The following GRM7 variants were observed in gnomAD, a reference collection of about 807,000 sequenced individuals.
GRM7 encodes the protein glutamate metabotropic receptor 7.
Under a neutral mutation model 84.5 loss-of-function variants are expected in GRM7, and 35 were observed. The observed-to-expected ratio is 0.41, with a 90% CI of 0.32 to 0.55. GRM7 has a LOEUF of 0.55. Ranked by LOEUF, GRM7 falls within the 20% of genes least tolerant of loss-of-function variation. GRM7 has a pLI of 0.19. For synonymous variants in GRM7, 487 were observed against 455.1 expected (o/e 1.07, Z -0.89); for missense variants, 1,003 against 1,194.6 (o/e 0.84, Z 2.36).
intron 7 of GRM7, among the ~76,000 whole-genome samples, chr3:7,483,378 C>A (rs1699205404): frequency 1.3e-5 from 2 of 152,206 alleles, no homozygotes; most frequent in African/African-American, 2.4e-5. Context: ...AAGAAGCCAG[C>A]CATACTGATC....
intron 4 of GRM7, among the ~76,000 whole-genome samples, chr3:7,337,195 T>A (rs1295531776): frequency 6.6e-6 from 1 of 152,136 alleles, no homozygotes; most frequent in African/African-American, 2.4e-5. Context: ...CAAATGGTGC[T>A]GGGATAATTG....
chr3:7,259,982 C>G (rs530510674), intron 2 of GRM7, among the ~76,000 whole-genome samples: 1 of 32,572 alleles, frequency 3.1e-5, no homozygotes, highest in South Asian at 8.0e-4. Flanking sequence ...TTAATAATAG[C>G]CATCTGGGTG....
chr3:6,905,448 T>C (rs1326377695), intron 1 of GRM7, among the ~76,000 whole-genome samples: 1 of 152,194 alleles, frequency 6.6e-6, no homozygotes, highest in Non-Finnish European at 1.5e-5. Context: ...CTAGCCACCA[T>C]GTTAAGACTT....
rs34508559 is a variant in GRM7 at position 7,516,476 on chromosome 3, C to CAAAAAAAAAAAAAAAAAA, written c.1515+54766_1515+54783dup. On this transcript the variant is annotated intron_variant, in intron 7 of 9. Transcript: ENST00000357716. ...TGGGCGGCAGAGCGAGACTCCCTCT[C>CAAAAAAAAAAAAAAAAAA]AAAAAAAAAAAAAAAAAAAAAAAAA... 7.5e-4 allele frequency among the ~76,000 whole-genome samples: 32 copies of CAAAAAAAAAAAAAAAAAA among 42,472 alleles called. 1 individual carries two copies. The highest frequency in any genetic ancestry group is 1.0e-3 in the African/African-American group (15 of 14,414). The allele number at this position is 42,472 out of a possible 152,430, so 27.9% of individuals were successfully genotyped here.
At chr3:7,540,973 A>G (rs1692847185) in intron 7 of GRM7, among the ~76,000 whole-genome samples, 1 of 152,208 alleles carries the variant, frequency 6.6e-6, no homozygotes, top group Non-Finnish European at 1.5e-5. Flanking sequence ...CATATAGATT[A>G]TTCAATATGT....
intron 1 of GRM7, among the ~76,000 whole-genome samples, chr3:6,941,398 T>G (rs1326452259): frequency 6.6e-6 from 1 of 152,258 alleles, no homozygotes; most frequent in Non-Finnish European, 1.5e-5. Flanking sequence ...TTATTCTTTG[T>G]CTTTTATTCA....
At chr3:7,690,125 GTT>G (rs766781917) in intron 9 of GRM7, among the ~76,000 whole-genome samples, 2 of 152,150 alleles carry the variant, frequency 1.3e-5, no homozygotes, top group Non-Finnish European at 2.9e-5. Context: ...AATGTGACAT[GTT>G]CTGGTACTAG....
chr3:7,595,480 G>C (rs1336886791), intron 8 of GRM7, among the ~76,000 whole-genome samples: 2 of 152,184 alleles, frequency 1.3e-5, no homozygotes, highest in African/African-American at 4.8e-5. Context: ...TCAAATATGA[G>C]TATGTAATAT....
chr3:7,645,869 G>T (rs1698614498), intron 8 of GRM7, among the ~76,000 whole-genome samples: 1 of 152,216 alleles, frequency 6.6e-6, no homozygotes, highest in Non-Finnish European at 1.5e-5. Context: ...GGAGTACACT[G>T]AGACAGAACT....
intron 1 of GRM7, among the ~76,000 whole-genome samples, chr3:6,943,570 A>T (rs1697962294): frequency 6.6e-6 from 1 of 152,018 alleles, no homozygotes; most frequent in Non-Finnish European, 1.5e-5. Context: ...CTTTATGCCG[A>T]TATCCTACTT....
At chr3:7,028,381 A>G (rs1262154939) in intron 1 of GRM7, among the ~76,000 whole-genome samples, 2 of 152,202 alleles carry the variant, frequency 1.3e-5, no homozygotes, top group Admixed American at 1.3e-4. Flanking sequence ...AGATCTGGCA[A>G]TATCTTTATT....
At chr3:7,036,501 C>T (rs1461770295) in intron 1 of GRM7, among the ~76,000 whole-genome samples, 1 of 152,214 alleles carries the variant, frequency 6.6e-6, no homozygotes, top group East Asian at 1.9e-4. Context: ...ATTATAGAAT[C>T]TCCAACACTT....
rs377407183 is a variant in GRM7 at position 7,490,376 on chromosome 3, T to C, written c.1515+28654T>C. Among the ~76,000 whole-genome samples, 137 of 152,194 alleles carry C rather than the reference T, an allele frequency of 9.0e-4. 2 individuals are homozygous for C. In the South Asian group the frequency reaches 0.024, roughly 26 times the overall value. On this transcript the variant is annotated intron_variant, in intron 7 of 9. Coordinates refer to ENST00000357716, the MANE Select transcript of GRM7 (RefSeq NM_000844.4). ...TATGAACTGAAGAGGCACACATTAT[T>C]CTCCTTTAAACCTCCCCCCGGGGCA...
intron 9 of GRM7, among the ~76,000 whole-genome samples, chr3:7,717,736 T>C (rs1701814619): frequency 6.6e-6 from 1 of 152,152 alleles, no homozygotes; most frequent in South Asian, 2.1e-4. Flanking sequence ...TGAGATTCTA[T>C]GCCCCAGTAT....
chr3:7,573,103 C>G (rs1286684106), intron 7 of GRM7, among the ~76,000 whole-genome samples: 1 of 151,442 alleles, frequency 6.6e-6, no homozygotes, highest in African/African-American at 2.4e-5. Flanking sequence ...CAAGCACTCG[C>G]TAGCTCCTCT....
intron 2 of GRM7, among the ~76,000 whole-genome samples, chr3:7,265,273 G>C (rs1052586093): frequency 6.6e-6 from 1 of 152,172 alleles, no homozygotes; most frequent in Non-Finnish European, 1.5e-5. Context: ...TAAGGTAATT[G>C]TAGAAATCTG....
chr3:7,066,892 C>A (rs143675146), intron 1 of GRM7, among the ~76,000 whole-genome samples: 1 of 151,850 alleles, frequency 6.6e-6, no homozygotes, highest in African/African-American at 2.4e-5. Flanking sequence ...AAATATGACA[C>A]GCCACATAAA....
intron 2 of GRM7, among the ~76,000 whole-genome samples, chr3:7,223,033 T>C (rs1484560478): frequency 6.6e-6 from 1 of 152,162 alleles, no homozygotes; most frequent in East Asian, 1.9e-4. Flanking sequence ...GAAAATATAT[T>C]TTTCCCTTCA....
At chr3:7,108,930 T>C (rs1692749127) in intron 1 of GRM7, among the ~76,000 whole-genome samples, 1 of 152,046 alleles carries the variant, frequency 6.6e-6, no homozygotes, top group Non-Finnish European at 1.5e-5. Flanking sequence ...GTCTCAGAGT[T>C]AGCATGCAAT....
Sources: gnomAD v4.1 joint callset for allele counts (sites outside exome capture counted in the v4.1 genomes callset) on GRCh38, gnomAD v4.1.1 for gene constraint, MANE v1.5 for transcripts, NCBI Gene and HGNC (gene_info 2026-07-23, HGNC 2026-07-21) for gene names.